The following CAMK2D variants were observed in gnomAD, a reference collection of about 807,000 sequenced individuals.
CAMK2D encodes calcium/calmodulin dependent protein kinase II delta, also known as calcium/calmodulin-dependent protein kinase type II subunit delta.
Under a neutral mutation model 84.0 loss-of-function variants are expected in CAMK2D, and 37 were observed. The ratio of observed to expected loss-of-function variants is 0.44; its 90% confidence interval spans 0.34 to 0.58. CAMK2D has a LOEUF of 0.58. Among genes scored for constraint, CAMK2D ranks in the 20% least tolerant of loss-of-function variants. CAMK2D has a pLI of 0.02. For missense variants in CAMK2D, 448 were observed against 652.5 expected (o/e 0.69, Z 3.41); for synonymous variants, 202 against 212.5 (o/e 0.95, Z 0.43).
At chr4:113,547,300 T>C (rs890005889) in intron 6 of CAMK2D, among the ~76,000 whole-genome samples, 10 of 152,228 alleles carry the variant, frequency 6.6e-5, no homozygotes, top group African/African-American at 2.4e-4. Flanking sequence ...GAATATAAAA[T>C]GTTTGATCAA....
At chr4:113,621,931 T>C (rs1161648419) in intron 3 of CAMK2D, among the ~76,000 whole-genome samples, 1 of 152,230 alleles carries the variant, frequency 6.6e-6, no homozygotes, top group East Asian at 1.9e-4. Flanking sequence ...AGGTTTTAAC[T>C]AAATGAACTA....
intron 16 of CAMK2D, among the ~76,000 whole-genome samples, chr4:113,494,474 A>T (rs1472790291): frequency 6.6e-6 from 1 of 152,286 alleles, no homozygotes; most frequent in Admixed American, 6.5e-5. Context: ...TCAGGGACCC[A>T]CTTGAGGAGG....
In CAMK2D at chr4:113,602,629, G is replaced by C. The variant is rs533805068; in HGVS notation, c.275+6523C>G. Among the ~76,000 whole-genome samples, 45 of 152,278 alleles carry C rather than the reference G, an allele frequency of 3.0e-4. 1 individual carries two copies. The highest frequency in any genetic ancestry group is 1.1e-3 in the African/African-American group (45 of 41,552). ...TCTATTTACCTTCATACAATTTGCT[G>C]TTCCTATAGACTCAAAGTCCTCTTC... On this transcript the variant is annotated intron_variant, in intron 4 of 20. Coordinates refer to ENST00000511664, the MANE Select transcript of CAMK2D (RefSeq NM_001321571.2).
intron 2 of CAMK2D, among the ~76,000 whole-genome samples, chr4:113,710,365 G>A (rs886696440): frequency 6.6e-5 from 10 of 152,030 alleles, no homozygotes; most frequent in African/African-American, 2.4e-4. Flanking sequence ...CAAAAGCCAA[G>A]GAACTAAAAT....
intron 16 of CAMK2D, among the ~76,000 whole-genome samples, chr4:113,473,264 A>G (rs903885403): frequency 3.9e-5 from 6 of 152,208 alleles, no homozygotes; most frequent in African/African-American, 1.4e-4. Context: ...ACCCTTGGGA[A>G]TAGTTACTAT....
chr4:113,693,429 C>T (rs2099394101), intron 2 of CAMK2D, among the ~76,000 whole-genome samples: 1 of 152,030 alleles, frequency 6.6e-6, no homozygotes, highest in African/African-American at 2.4e-5. Flanking sequence ...TCAGTTAAGA[C>T]CTTGCTAAAG....
chr4:113,647,739 TG>T (rs1390417545), intron 3 of CAMK2D, among the ~76,000 whole-genome samples: 4 of 152,190 alleles, frequency 2.6e-5, no homozygotes, highest in Non-Finnish European at 5.9e-5. Flanking sequence ...TGTCTTTCTG[TG>T]GGGGAAAAAT....
chr4:113,460,475 T>C (rs1311077786), intron 17 of CAMK2D, among the ~76,000 whole-genome samples: 1 of 152,036 alleles, frequency 6.6e-6, no homozygotes, highest in African/African-American at 2.4e-5. Context: ...TTCAAGCAGA[T>C]GATAATACAC....
Position 113,759,314 on chromosome 4 carries a change from AC to A in CAMK2D, c.160+5del. 1 of 1,588,800 alleles carries A rather than the reference AC, an allele frequency of 6.3e-7. No homozygotes were observed. Among genetic ancestry groups the A allele is most frequent in the South Asian group, 1.1e-5 (1 of 88,720 alleles). On this transcript the variant is annotated splice_donor_5th_base_variant and intron_variant, in intron 2 of 20. Transcript: ENST00000511664. ...TTAACCAATATATGTGGTTGAAAAT[AC>A]CCACCCCTAGCAGAAAGCTTTTTGG...
chr4:113,462,266 A>ATGTGTGTGTGTGTGTG (rs143654780), intron 17 of CAMK2D, among the ~76,000 whole-genome samples: 34 of 109,892 alleles, frequency 3.1e-4, no homozygotes, highest in African/African-American at 9.8e-4. Context: ...ATATTTGGAA[A>ATGTGTGTGTGTGTGTG]TGTGTGTGTG....
intron 3 of CAMK2D, among the ~76,000 whole-genome samples, chr4:113,640,883 T>A (rs2099130070): frequency 6.6e-6 from 1 of 152,240 alleles, no homozygotes; most frequent in Admixed American, 6.5e-5. Flanking sequence ...CAGACTCATT[T>A]TAACTTTCAT....
At chr4:113,592,140 A>G (rs1254137833) in intron 4 of CAMK2D, among the ~76,000 whole-genome samples, 1 of 152,144 alleles carries the variant, frequency 6.6e-6, no homozygotes, top group Non-Finnish European at 1.5e-5. Context: ...GTTAACTGCA[A>G]GCCGACAGCA....
chr4:113,690,670 T>C (rs1423834613), intron 2 of CAMK2D, among the ~76,000 whole-genome samples: 2 of 152,232 alleles, frequency 1.3e-5, no homozygotes, highest in East Asian at 1.9e-4. Flanking sequence ...TTCTCTCCCA[T>C]TTAAAAATAT....
In CAMK2D at chr4:113,701,468, T is replaced by C. The variant is rs1015999364; in HGVS notation, c.161-39696A>G. 4.6e-5 allele frequency among the ~76,000 whole-genome samples: 7 copies of C among 152,082 alleles called. No individual in the cohort carries two copies. The East Asian group carries it at 5.8e-4, about 13-fold the overall frequency. On this transcript the variant is annotated intron_variant, in intron 2 of 20. Transcript: ENST00000511664. ...AGTAAAGAAGCAAAAGGGTGCAGAA[T>C]TGAACAGGGAGAGAAGCTAGGCCAA...
chr4:113,722,955 T>C (rs563060489), intron 2 of CAMK2D, among the ~76,000 whole-genome samples: 2 of 152,236 alleles, frequency 1.3e-5, no homozygotes, highest in African/African-American at 4.8e-5. Flanking sequence ...CCCTTTACCT[T>C]GAAGGAAATA....
intron 9 of CAMK2D, among the ~76,000 whole-genome samples, chr4:113,516,433 A>T (rs1248516218): frequency 1.3e-5 from 2 of 152,180 alleles, no homozygotes; most frequent in African/African-American, 4.8e-5. Context: ...TCCTCTAGGT[A>T]TACCAAGCAG....
chr4:113,632,783 G>C (rs113231177), intron 3 of CAMK2D, among the ~76,000 whole-genome samples: 41 of 152,218 alleles, frequency 2.7e-4, no homozygotes, highest in African/African-American at 8.7e-4. Flanking sequence ...ACACTGACAG[G>C]TGCTTTCAGG....
intron 2 of CAMK2D, among the ~76,000 whole-genome samples, chr4:113,664,265 T>G (rs1266106234): frequency 6.6e-6 from 1 of 152,240 alleles, no homozygotes; most frequent in Admixed American, 6.5e-5. Flanking sequence ...ATGTATCAGT[T>G]TTCTATTGCT....
intron 16 of CAMK2D, among the ~76,000 whole-genome samples, chr4:113,476,623 TAG>T (rs910418980): frequency 3.9e-5 from 6 of 152,164 alleles, no homozygotes; most frequent in Admixed American, 3.3e-4. Context: ...AGAATTATGG[TAG>T]AGTCTTGAAT....
Sources: allele counts gnomAD v4.1 joint callset (sites outside exome capture counted in the v4.1 genomes callset), GRCh38; gene constraint gnomAD v4.1.1; transcripts MANE v1.5; gene names NCBI Gene and HGNC (gene_info 2026-07-23, HGNC 2026-07-21).